Variants in RNF150 observed in about 807,000 individuals in gnomAD.
The protein encoded by RNF150 is ring finger protein 150.
RNF150 carries 24 observed loss-of-function variants against 39.3 expected under a neutral mutation model. That is an observed-to-expected ratio of 0.61 (90% CI 0.44 to 0.86). The LOEUF is 0.86. RNF150 is among the 40% of genes least tolerant of loss of function. The pLI is 0.00. For synonymous variants in RNF150, 255 were observed against 227.3 expected, an observed-to-expected ratio of 1.12 and a Z score of -1.10; for missense variants, 502 against 587.8, an observed-to-expected ratio of 0.85 and a Z score of 1.51.
At chr4:141,026,677 C>T (rs577172383) in intron 1 of RNF150, among the ~76,000 whole-genome samples, 38 of 152,324 alleles carry the variant, frequency 2.5e-4, no homozygotes, top group African/African-American at 8.4e-4. Context: ...TAATGTTTCA[C>T]AAACGTATTT....
intron 2 of RNF150, among the ~76,000 whole-genome samples, chr4:140,953,317 G>A (rs759920022): frequency 1.3e-4 from 20 of 152,100 alleles, no homozygotes; most frequent in Non-Finnish European, 2.2e-4. Context: ...TGTGACATTC[G>A]TTGAGTCAAG....
intron 1 of RNF150, among the ~76,000 whole-genome samples, chr4:141,028,545 T>A (rs769019328): frequency 8.5e-5 from 13 of 152,212 alleles, no homozygotes; most frequent in Non-Finnish European, 7.3e-5. Flanking sequence ...AAATGGAGTA[T>A]GAATTTTACT....
intron 1 of RNF150, among the ~76,000 whole-genome samples, chr4:141,130,767 T>C (rs1421283101): frequency 6.7e-6 from 1 of 149,776 alleles, no homozygotes; most frequent in African/African-American, 2.6e-5. Context: ...GTAACATGTT[T>C]ATCTAAAGAT....
At chr4:140,870,996 CTCTCTCTATA>C (rs1308553855) in intron 6 of RNF150, among the ~76,000 whole-genome samples, 9 of 143,268 alleles carry the variant, frequency 6.3e-5, no homozygotes, top group East Asian at 2.0e-4. Context: ...CTCTCTCTCT[CTCTCTCTATA>C]TATATATATA....
chr4:141,075,017 C>G (rs116720441), intron 1 of RNF150, among the ~76,000 whole-genome samples: 1,963 of 152,322 alleles, frequency 0.013, 55 homozygotes, highest in African/African-American at 0.045. Context: ...CTTAAATATA[C>G]TGTCCCGTGA....
At chr4:140,869,706 A>G (rs911814249) in intron 6 of RNF150, among the ~76,000 whole-genome samples, 11 of 152,242 alleles carry the variant, frequency 7.2e-5, no homozygotes, top group Admixed American at 2.0e-4. Flanking sequence ...GTCCTAAAGG[A>G]TAATCTGTAT....
intron 1 of RNF150, among the ~76,000 whole-genome samples, chr4:141,070,946 A>G (rs370154856): frequency 0.047 from 6,244 of 132,270 alleles, 158 homozygotes; most frequent in African/African-American, 0.069. Context: ...TATTTATTGC[A>G]GCACTATTCA....
At chr4:141,186,857 G>A (rs1728022207) in intron 1 of RNF150, among the ~76,000 whole-genome samples, 1 of 151,974 alleles carries the variant, frequency 6.6e-6, no homozygotes, top group Non-Finnish European at 1.5e-5. Flanking sequence ...ATCTCCTTCA[G>A]TTCTGTTCTG....
chr4:141,014,873 T>G (rs965822421), intron 1 of RNF150, among the ~76,000 whole-genome samples: 1 of 152,212 alleles, frequency 6.6e-6, no homozygotes, highest in Non-Finnish European at 1.5e-5. Flanking sequence ...GCTTTCAGGA[T>G]CATATCCAAA....
At chr4:140,923,554 T>A (rs1224729922) in intron 5 of RNF150, among the ~76,000 whole-genome samples, 4 of 152,198 alleles carry the variant, frequency 2.6e-5, no homozygotes, top group Non-Finnish European at 4.4e-5. Context: ...ATTGTGGAAG[T>A]CGGTGTGGCG....
intron 6 of RNF150, among the ~76,000 whole-genome samples, chr4:140,910,695 C>CAG (rs199505929): frequency 0.012 from 1,470 of 124,312 alleles, 29 homozygotes; most frequent in African/African-American, 0.039. Context: ...CACGCACACT[C>CAG]GGGGCTCCAG....
chr4:141,029,963 G>A (rs1480715234), intron 1 of RNF150, among the ~76,000 whole-genome samples: 18 of 152,266 alleles, frequency 1.2e-4, no homozygotes, highest in East Asian at 3.9e-4. Context: ...TTGGGAGGCC[G>A]AGGCAGGTGG....
intron 1 of RNF150, among the ~76,000 whole-genome samples, chr4:141,158,060 A>G (rs1727442027): frequency 6.6e-6 from 1 of 152,186 alleles, no homozygotes; most frequent in Non-Finnish European, 1.5e-5. Flanking sequence ...TGGGAGGCTG[A>G]GGCAGGCGGA....
At chr4:140,937,223 C>T (rs545633709) in intron 4 of RNF150, among the ~76,000 whole-genome samples, 12 of 152,156 alleles carry the variant, frequency 7.9e-5, no homozygotes, top group Non-Finnish European at 1.5e-4. Context: ...ACTCTAAAAA[C>T]GAACTATTAT....
rs539441190 is a variant in RNF150, at chr4:140,867,650, T to C, written c.*611A>G. The C allele has an allele frequency of 6.6e-6, 1 of 152,380 alleles. No individual in the cohort carries two copies. The highest frequency in any genetic ancestry group is 6.5e-5 in the Admixed American group (1 of 15,296). The allele number at this position is 152,380 out of a possible 1,614,324, so 9.4% of individuals were successfully genotyped here. On this transcript the variant is annotated 3_prime_UTR_variant, in exon 7 of 7. Coordinates refer to ENST00000515673, the MANE Select transcript of RNF150 (RefSeq NM_020724.2). ...TTTTTAAAGGCCCACTTAGAAGAAC[T>C]TAGATTCTTAATGAAAGCTGGCCTT...
chr4:141,154,604 A>G (rs531631539), intron 1 of RNF150, among the ~76,000 whole-genome samples: 1 of 152,356 alleles, frequency 6.6e-6, no homozygotes, highest in East Asian at 1.9e-4. Flanking sequence ...GTGTTTCTAG[A>G]GAGATAGAAT....
intron 1 of RNF150, among the ~76,000 whole-genome samples, chr4:141,094,632 G>A (rs892709248): frequency 6.6e-6 from 1 of 152,270 alleles, no homozygotes; most frequent in African/African-American, 2.4e-5. Flanking sequence ...ACAGGCCTCA[G>A]GCCAGATTTG....
chr4:140,872,310 C>A (rs554721483), intron 6 of RNF150, among the ~76,000 whole-genome samples: 2 of 152,236 alleles, frequency 1.3e-5, no homozygotes, highest in East Asian at 3.9e-4. Flanking sequence ...TAATATTAGC[C>A]CTCATTTGAT....
At chr4:141,147,351 G>T (rs12331754) in intron 1 of RNF150, among the ~76,000 whole-genome samples, 2,735 of 152,298 alleles carry the variant, frequency 0.018, 78 homozygotes, top group African/African-American at 0.061. Context: ...CATCCCTAGA[G>T]CTTCAAAGTC....
Sources: gnomAD v4.1 joint callset for allele counts (sites outside exome capture counted in the v4.1 genomes callset) on GRCh38, gnomAD v4.1.1 for gene constraint, MANE v1.5 for transcripts, NCBI Gene and HGNC (gene_info 2026-07-23, HGNC 2026-07-21) for gene names.